The following ITIH6 variants were observed in gnomAD, a reference collection of about 807,000 sequenced individuals.
ITIH6 encodes inter-alpha-trypsin inhibitor heavy chain H6.
ITIH6 carries 60 observed loss-of-function variants against 58.2 expected under a neutral mutation model. The ratio of observed to expected loss-of-function variants is 1.03; its 90% CI spans 0.84 to 1.28. ITIH6 has a LOEUF of 1.28. Among genes scored for constraint, ITIH6 ranks in the 50% most tolerant of loss-of-function variants. The pLI is 0.00. For synonymous variants in ITIH6, 493 were observed against 417.4 expected (o/e 1.18, Z -2.21); for missense variants, 1,290 against 1,021.1 (o/e 1.26, Z -3.59).
intron 2 of ITIH6, among the ~76,000 whole-genome samples, chrX:54,796,156 T>G (rs147235423): frequency 3.1e-3 from 350 of 111,868 alleles, no homozygotes; most frequent in African/African-American, 0.011. Context: ...TGAGTCACTG[T>G]GCTGGGCCAG....
chrX:54,777,291 T>C (rs1192537453), intron 5 of ITIH6, among the ~76,000 whole-genome samples: 3 of 112,489 alleles, frequency 2.7e-5, no homozygotes, highest in Non-Finnish European at 5.6e-5. Flanking sequence ...AGCAGGACAA[T>C]AGAACACCAG....
chrX:54,792,983 C>A, intron 2 of ITIH6, among the ~76,000 whole-genome samples: 1 of 110,153 alleles, frequency 9.1e-6, no homozygotes, highest in East Asian at 2.9e-4. Flanking sequence ...CCTCCCTCTC[C>A]CCTTCTGTCC....
intron 5 of ITIH6, among the ~76,000 whole-genome samples, chrX:54,779,530 A>T (rs1401090294): frequency 2.7e-5 from 3 of 111,555 alleles, no homozygotes; most frequent in Non-Finnish European, 5.6e-5. Flanking sequence ...AAAACAAAAA[A>T]CATACAACAG....
chrX:54,756,456 G>T (rs1424410432), intron 8 of ITIH6, among the ~76,000 whole-genome samples: 1 of 112,093 alleles, frequency 8.9e-6, no homozygotes, highest in Non-Finnish European at 1.9e-5. Flanking sequence ...ATGTAGAGCA[G>T]TACTTGTGCA....
intron 12 of ITIH6, among the ~76,000 whole-genome samples, 190 bp downstream of exon 12, chrX:54,750,813 C>T (rs1326932851): frequency 8.9e-6 from 1 of 112,101 alleles, no homozygotes; most frequent in Non-Finnish European, 1.9e-5. Context: ...AGCTTTCTGT[C>T]CAGCAATGAT....
At position 54,787,963 on chromosome X, in the gene ITIH6, G is replaced by A. The variant is rs367810531; in HGVS notation, c.786+517C>T. ...GTGCTCAAGCCAGGGCCCTGGGATC[G>A]GTGCTCTGTGCTTTCCCATCTGGGA... On this transcript the variant is annotated intron_variant, in intron 5 of 12. Transcript: ENST00000218436. Among the ~76,000 whole-genome samples, 1,101 of 110,789 alleles carry A rather than the reference G, an allele frequency of 9.9e-3. 23 individuals are homozygous for A. Among genetic ancestry groups the A allele is most frequent in the African/African-American group, 0.034 (1,029 of 30,104 alleles).
chrX:54,753,932 G>A lies in ITIH6; in HGVS notation c.3236C>T (p.Ser1079Leu). 1 of 1,209,835 alleles carries A rather than the reference G, an allele frequency of 8.3e-7. No individual in the cohort carries two copies. The highest frequency in any genetic ancestry group is 1.7e-5 in the African/African-American group (1 of 57,779). Residue 1079 changes from serine (S) to leucine (L), a missense_variant and splice_region_variant, in exon 10 of 13, where the codon TCA (serine) becomes TTA (leucine). Coordinates refer to ENST00000218436, the MANE Select transcript of ITIH6 (RefSeq NM_198510.3). ...AGCCATGGGGGTGACTGGCTTACCT[G>A]AGGAGGAGAAGGTGAAGATGCTAGG... ...TLPSIFTFSS[S>L]VDGDPHFVIQ...
At chrX:54,766,955 G>C (rs1928803355) in intron 6 of ITIH6, among the ~76,000 whole-genome samples, 1 of 108,941 alleles carries the variant, frequency 9.2e-6, no homozygotes. Context: ...AATAGTTTCA[G>C]AAGGAATGGT....
rs1209235776 is a variant in ITIH6, at chrX:54,788,596, G to C, written c.670C>G (p.Arg224Gly). Residue 224 changes from arginine (R) to glycine (G), a missense_variant, in exon 5 of 13, where the codon CGA becomes GGA. Arg to Gly is a moderately radical substitution (Grantham distance 125). Coordinates refer to ENST00000218436, the MANE Select transcript of ITIH6 (RefSeq NM_198510.3). ...TGCAATGTCGGGCAGTAGGTGATTC[G>C]GACACAGGTCTCTCCCCTCTCGATC... is the stretch of plus-strand genomic sequence containing the variant. ...TRIERGETCVRITYCPTLQDQ... is the reference protein window; with the variant it reads ...TRIERGETCVGITYCPTLQDQ... The C allele has an allele frequency of 8.3e-7, 1 of 1,209,809 alleles. No individual in the cohort carries two copies. The highest frequency in any genetic ancestry group is 1.1e-6 in the Non-Finnish European group (1 of 894,160).
At chrX:54,763,354 G>A (rs915543598) in intron 6 of ITIH6, among the ~76,000 whole-genome samples, 1 of 111,427 alleles carries the variant, frequency 9.0e-6, no homozygotes, top group Non-Finnish European at 1.9e-5. Context: ...CCTGAGAAGA[G>A]CTGTAGAAAA....
chrX:54,790,662 G>C (rs758283004), intron 4 of ITIH6, among the ~76,000 whole-genome samples, 175 bp downstream of exon 4: 36 of 111,716 alleles, frequency 3.2e-4, no homozygotes, highest in Non-Finnish European at 6.2e-4. Context: ...ACCAGGCCAA[G>C]GTTAAAATCC....
Position 54,757,074 on chromosome X carries a change from G to T in ITIH6, c.3000C>A (p.Leu1000=), listed in dbSNP as rs971522961. The T allele has an allele frequency of 3.7e-5, 45 of 1,209,651 alleles. No individual in the cohort carries two copies. Among genetic ancestry groups the T allele is most frequent in the Non-Finnish European group, 5.0e-5 (45 of 894,902 alleles). ...SSILPEAISL[L]LLPEELELLS... ...GCAGCTCTAGCTCCTCAGGGAGAAG[G>T]AGCAGACTGATGGCCTCAGGGAGGA... Residue 1000 remains leucine (L), a synonymous_variant, in exon 8 of 13, where the codon CTC becomes CTA. Transcript: ENST00000218436.
At chrX:54,759,643 T>G in intron 7 of ITIH6, 113 bp downstream of exon 7, 11 of 587,685 alleles carry the variant, frequency 1.9e-5, no homozygotes, top group Non-Finnish European at 2.6e-5. Context: ...AATGTGGTCT[T>G]GATATTTCAG....
intron 6 of ITIH6, among the ~76,000 whole-genome samples, chrX:54,762,751 G>A (rs1215156552): frequency 1.8e-5 from 2 of 111,901 alleles, no homozygotes; most frequent in Admixed American, 1.9e-4. Flanking sequence ...AACCCTTTGA[G>A]AGAAGGGCTT....
In ITIH6 at chrX:54,758,670, C is replaced by T; in HGVS notation, c.1404G>A (p.Glu468=). The change falls in exon 8 of 13, where the codon GAG becomes GAA. Residue 468 remains glutamate (E), a synonymous_variant. Transcript: ENST00000218436. Reference sequence around the variant, plus strand: ...CATCTGCCAGCAGAGGCATGGAGATCTCCTCATAGAGGCCCTTCAGCTGTA... The same window carrying T: ...CATCTGCCAGCAGAGGCATGGAGATTTCCTCATAGAGGCCCTTCAGCTGTA... ...AALQLKGLYE[E]ISMPLLADVR... is the part of the protein sequence containing the mutation. The T allele has an allele frequency of 8.3e-7, 1 of 1,211,615 alleles. No homozygotes were observed. Among genetic ancestry groups the T allele is most frequent in the Non-Finnish European group, 1.1e-6 (1 of 895,373 alleles).
chrX:54,771,443 T>C (rs1928948117), intron 6 of ITIH6, among the ~76,000 whole-genome samples: 1 of 112,240 alleles, frequency 8.9e-6, no homozygotes, highest in African/African-American at 3.2e-5. Context: ...AGCTCATTGG[T>C]TCTTTACCCA....
chrX:54,750,125 G>C lies in ITIH6; in HGVS notation c.3731-19C>G, dbSNP rs1194463240. On this transcript the variant is annotated intron_variant, in intron 12 of 12. Coordinates refer to ENST00000218436, the MANE Select transcript of ITIH6 (RefSeq NM_198510.3). The stretch of plus-strand genomic sequence containing the variant: ...AACTGCCCTGAGGGAGAGAGATGCA[G>C]TGCTAGTCAGGGAGGTGGCCTGAGT... 1 of 1,155,847 alleles carries C rather than the reference G, an allele frequency of 8.7e-7. No homozygotes were observed. The highest frequency in any genetic ancestry group is 1.2e-6 in the Non-Finnish European group (1 of 854,319).
At chrX:54,765,763 G>C (rs764650977) in intron 6 of ITIH6, among the ~76,000 whole-genome samples, 3 of 109,837 alleles carry the variant, frequency 2.7e-5, no homozygotes, top group African/African-American at 1.0e-4. Flanking sequence ...CTCTGTTTTG[G>C]TAACAGTACC....
Position 54,791,949 on chromosome X carries a change from C to T in ITIH6, c.345G>A (p.Lys115=). 1 of 1,189,094 alleles carries T rather than the reference C, an allele frequency of 8.4e-7. No homozygotes were observed. The highest frequency in any genetic ancestry group is 1.1e-6 in the Non-Finnish European group (1 of 874,870). The change falls in exon 3 of 13, where the codon AAG becomes AAA. Residue 115 remains lysine (K), a synonymous_variant. Coordinates refer to ENST00000218436, the MANE Select transcript of ITIH6 (RefSeq NM_198510.3). ...ACCTGATGCCTACATGAGCAGCTGT[C>T]TTTCCCTGCTGATGGGCTTCTTCAT... is the stretch of plus-strand genomic sequence containing the variant. ...KIYEEAHQQG[K]TAAHVGIRDR...
Sources: allele counts gnomAD v4.1 joint callset (sites outside exome capture counted in the v4.1 genomes callset), GRCh38; gene constraint gnomAD v4.1.1; transcripts MANE v1.5; gene names NCBI Gene and HGNC (gene_info 2026-07-23, HGNC 2026-07-21).